Variants in RFX3 observed in about 807,000 individuals in gnomAD.
The protein encoded by RFX3 is transcription factor RFX3.
Under a neutral mutation model 98.6 loss-of-function variants are expected in RFX3, and 14 were observed. The observed-to-expected ratio is 0.14, with a 90% CI of 0.09 to 0.22. RFX3 has a LOEUF of 0.22. Ranked by LOEUF, RFX3 falls within the 10% of genes least tolerant of loss-of-function variation. The pLI is 1.00. For missense variants in RFX3, 639 were observed against 926.9 expected (o/e 0.69, Z 4.03); for synonymous variants, 383 against 328.4 (o/e 1.17, Z -1.80).
At chr9:3,265,854 T>C (rs942736293) in intron 12 of RFX3, among the ~76,000 whole-genome samples, 4 of 152,120 alleles carry the variant, frequency 2.6e-5, no homozygotes, top group African/African-American at 9.7e-5. Context: ...TGAAAACTAT[T>C]TGAACATTCT....
In RFX3 at chr9:3,412,313, TG is replaced by T. The variant is rs149281080; in HGVS notation, c.-8-16718del. On this transcript the variant is annotated intron_variant, in intron 1 of 16. Coordinates refer to ENST00000617270, the MANE Select transcript of RFX3 (RefSeq NM_001282116.2). ...TGACCTTGAGTCATGGTTAGTGCCA[TG>T]ATCTGTTTGAATATCCATAATGAAG... Among the ~76,000 whole-genome samples the T allele has an allele frequency of 1.9e-3, 282 of 152,340 alleles. 2 individuals are homozygous for T. The highest frequency in any genetic ancestry group is 6.5e-3 in the African/African-American group (269 of 41,568).
intron 1 of RFX3, among the ~76,000 whole-genome samples, chr9:3,475,418 G>T (rs1454712727): frequency 6.6e-6 from 1 of 151,846 alleles, no homozygotes; most frequent in East Asian, 1.9e-4. Flanking sequence ...AAGGGGAAGG[G>T]TAAGGAGTGT....
chr9:3,422,373 T>A (rs1277717826), intron 1 of RFX3, among the ~76,000 whole-genome samples: 2 of 152,204 alleles, frequency 1.3e-5, no homozygotes, highest in Non-Finnish European at 2.9e-5. Context: ...TTCACATGTG[T>A]GTGTATTTTA....
chr9:3,307,377 G>C (rs1410602728), intron 4 of RFX3, among the ~76,000 whole-genome samples: 1 of 152,056 alleles, frequency 6.6e-6, no homozygotes, highest in Non-Finnish European at 1.5e-5. Flanking sequence ...GAATTAATCT[G>C]ACATCACTTC....
intron 2 of RFX3, among the ~76,000 whole-genome samples, chr9:3,387,842 T>C (rs1176295440): frequency 1.3e-5 from 2 of 152,086 alleles, no homozygotes; most frequent in Non-Finnish European, 2.9e-5. Context: ...AAGAATTCTA[T>C]TCATGTCCAT....
intron 4 of RFX3, among the ~76,000 whole-genome samples, chr9:3,303,975 T>C (rs1828981313): frequency 6.6e-6 from 1 of 152,008 alleles, no homozygotes; most frequent in South Asian, 2.1e-4. Context: ...TGTGCCGAAT[T>C]TGTGTAGCCC....
chr9:3,344,682 C>T, intron 3 of RFX3: 1 of 591,402 alleles, frequency 1.7e-6, no homozygotes, highest in Non-Finnish European at 3.0e-6. Context: ...CCTGCAGGTG[C>T]CCATTACTAC....
At chr9:3,459,002 T>G (rs144932014) in intron 1 of RFX3, among the ~76,000 whole-genome samples, 177 of 152,278 alleles carry the variant, frequency 1.2e-3, no homozygotes, top group African/African-American at 4.0e-3. Context: ...TTCACCAAAT[T>G]GAAGATCTGT....
At chr9:3,488,127 G>A (rs1850430584) in intron 1 of RFX3, among the ~76,000 whole-genome samples, 1 of 151,932 alleles carries the variant, frequency 6.6e-6, no homozygotes, top group South Asian at 2.1e-4. Context: ...ATACTACAAA[G>A]GAGTTTAATG....
At chr9:3,493,140 T>G (rs1261693901) in intron 1 of RFX3, among the ~76,000 whole-genome samples, 1 of 152,156 alleles carries the variant, frequency 6.6e-6, no homozygotes, top group Non-Finnish European at 1.5e-5. Flanking sequence ...CTCAGTAATA[T>G]TTACAACCCC....
intron 15 of RFX3, among the ~76,000 whole-genome samples, chr9:3,242,711 T>G (rs1327581470): frequency 1.3e-5 from 2 of 152,054 alleles, no homozygotes; most frequent in Non-Finnish European, 2.9e-5. Context: ...TTTTTTTCCT[T>G]CCAAAAAAAT....
At chr9:3,408,618 A>T (rs993055271) in intron 1 of RFX3, among the ~76,000 whole-genome samples, 44 of 148,940 alleles carry the variant, frequency 3.0e-4, no homozygotes, top group Admixed American at 1.5e-3. Flanking sequence ...TCTCTCACAC[A>T]CACACACACA....
Position 3,502,499 on chromosome 9 carries a change from T to C in RFX3, c.-9+23248A>G, listed in dbSNP as rs142920298. Among the ~76,000 whole-genome samples, 850 of 152,222 alleles carry C rather than the reference T, an allele frequency of 5.6e-3. 4 individuals are homozygous for C. The highest frequency in any genetic ancestry group is 0.02 in the African/African-American group (810 of 41,530). On this transcript the variant is annotated intron_variant, in intron 1 of 16. Coordinates refer to ENST00000617270, the MANE Select transcript of RFX3 (RefSeq NM_001282116.2). ...GTGAAAGAAAAATACACAGAAAATCTTTCAAAAACATAAAAGCCATCTTAA... is the reference window on the plus strand; with the variant it reads ...GTGAAAGAAAAATACACAGAAAATCCTTCAAAAACATAAAAGCCATCTTAA...
At chr9:3,451,486 G>A (rs1481436522) in intron 1 of RFX3, among the ~76,000 whole-genome samples, 56 of 152,336 alleles carry the variant, frequency 3.7e-4, no homozygotes, top group Admixed American at 3.6e-3. Context: ...CGAGGCGGCA[G>A]TGAGCTACGA....
chr9:3,380,405 G>C lies in RFX3; in HGVS notation c.117+15067C>G, dbSNP rs147089030. Among the ~76,000 whole-genome samples the C allele has an allele frequency of 5.3e-3, 799 of 152,170 alleles. 9 individuals are homozygous for C. The highest frequency in any genetic ancestry group is 8.3e-3 in the Admixed American group (127 of 15,278). ...ATTACCATTCTTTATGTCATCTTCT[G>C]TTTACCTACCAGTCTCTTTGACCTA... is the stretch of plus-strand genomic sequence containing the variant. On this transcript the variant is annotated intron_variant, in intron 2 of 16. Transcript: ENST00000617270.
intron 2 of RFX3, among the ~76,000 whole-genome samples, chr9:3,367,639 C>T (rs1483052206): frequency 6.6e-6 from 1 of 152,182 alleles, no homozygotes; most frequent in East Asian, 1.9e-4. Flanking sequence ...CATGGGTTTT[C>T]AGAATTCCCC....
chr9:3,415,120 T>TTA (rs1258637783), intron 1 of RFX3, among the ~76,000 whole-genome samples: 3 of 121,074 alleles, frequency 2.5e-5, no homozygotes, highest in South Asian at 2.3e-4. Flanking sequence ...ATATATATAC[T>TTA]TATATATATA....
At chr9:3,344,342 G>T (rs1186361478) in intron 3 of RFX3, among the ~76,000 whole-genome samples, 1 of 152,078 alleles carries the variant, frequency 6.6e-6, no homozygotes, top group African/African-American at 2.4e-5. Flanking sequence ...TGAAATATTT[G>T]CATTATATAC....
At chr9:3,475,190 CATT>C (rs1849127168) in intron 1 of RFX3, among the ~76,000 whole-genome samples, 1 of 151,952 alleles carries the variant, frequency 6.6e-6, no homozygotes, top group East Asian at 1.9e-4. Context: ...TGCTTATAAG[CATT>C]ATATCTTCAT....
Sources: gnomAD v4.1 joint callset for allele counts (sites outside exome capture counted in the v4.1 genomes callset) on GRCh38, gnomAD v4.1.1 for gene constraint, MANE v1.5 for transcripts, NCBI Gene and HGNC (gene_info 2026-07-23, HGNC 2026-07-21) for gene names.